The following ZBTB20 variants were observed in gnomAD, a reference collection of about 807,000 sequenced individuals.
The protein encoded by ZBTB20 is zinc finger and BTB domain-containing protein 20.
A neutral mutation model predicts 56.9 loss-of-function variants in ZBTB20; 9 were observed. That is an observed-to-expected ratio of 0.16 (90% CI 0.10 to 0.28). The LOEUF is 0.28. Ranked by LOEUF, ZBTB20 falls within the 10% of genes least tolerant of loss-of-function variation. The probability of loss-of-function intolerance (pLI) is 1.00; values close to 1 mark genes in which losing one functional copy is unlikely to be tolerated. For synonymous variants in ZBTB20, 417 were observed against 420.7 expected, an observed-to-expected ratio of 0.99 and a Z score of 0.11; for missense variants, 655 against 1,003.0, an observed-to-expected ratio of 0.65 and a Z score of 4.69.
At chr3:114,897,675 A>C (rs1408729715) in intron 4 of ZBTB20, among the ~76,000 whole-genome samples, 5 of 152,132 alleles carry the variant, frequency 3.3e-5, no homozygotes, top group Non-Finnish European at 7.4e-5. Flanking sequence ...GATAGAGTTC[A>C]ATCTACCACA....
At chr3:115,071,097 T>C (rs761787445) in intron 2 of ZBTB20, 122 bp downstream of exon 2, 7 of 152,116 alleles carry the variant, frequency 4.6e-5, no homozygotes, top group Admixed American at 1.3e-4. Context: ...ATCTTATACA[T>C]ATAAATTGTT....
At chr3:114,401,610 C>G (rs113309362) in intron 7 of ZBTB20, among the ~76,000 whole-genome samples, 4,577 of 152,160 alleles carry the variant, frequency 0.03, 116 homozygotes, top group Middle Eastern at 0.048. Flanking sequence ...CACTTTTGCC[C>G]GAGCCACTTT....
intron 3 of ZBTB20, among the ~76,000 whole-genome samples, chr3:114,946,944 C>A (rs1356400703): frequency 2.1e-5 from 3 of 145,476 alleles, no homozygotes; most frequent in Non-Finnish European, 4.4e-5. Flanking sequence ...TTACAAGGAA[C>A]TCAAACTAAA....
At chr3:114,675,045 T>G (rs535218579) in intron 6 of ZBTB20, among the ~76,000 whole-genome samples, 108 of 148,508 alleles carry the variant, frequency 7.3e-4, no homozygotes, top group Admixed American at 2.0e-3. Context: ...AAAAAATCTA[T>G]CTTTCATATA....
chr3:114,974,566 T>A (rs1177512937), intron 2 of ZBTB20, 150 bp from the exon 3 acceptor site: 6 of 152,208 alleles, frequency 3.9e-5, no homozygotes, highest in Non-Finnish European at 5.9e-5. Flanking sequence ...CACATTCATA[T>A]GTGTACAAGT....
chr3:114,824,607 G>A (rs2073426248), intron 4 of ZBTB20, among the ~76,000 whole-genome samples: 1 of 151,846 alleles, frequency 6.6e-6, no homozygotes, highest in African/African-American at 2.4e-5. Context: ...GTTTGAACTT[G>A]CTTAAAATAT....
intron 5 of ZBTB20, among the ~76,000 whole-genome samples, chr3:114,772,126 G>C (rs1427377651): frequency 6.6e-6 from 1 of 152,064 alleles, no homozygotes; most frequent in Non-Finnish European, 1.5e-5. Context: ...GATTGCCTGA[G>C]GTCAGGAGTT....
chr3:114,616,372 A>G (rs912030751), intron 6 of ZBTB20, among the ~76,000 whole-genome samples: 1 of 152,170 alleles, frequency 6.6e-6, no homozygotes, highest in African/African-American at 2.4e-5. Context: ...TTCCTAGTTA[A>G]GTTTGGGCAT....
Position 114,530,166 on chromosome 3 carries a change from G to C in ZBTB20, c.-294-29775C>G, listed in dbSNP as rs573133370. On this transcript the variant is annotated intron_variant, in intron 6 of 11. Transcript: ENST00000675478. ...ACAGGAGTATACAGTAATGTCCTAG[G>C]TGTTCACATTCACTCATCACTCACT... is the stretch of plus-strand genomic sequence containing the variant. 2.4e-3 allele frequency among the ~76,000 whole-genome samples: 369 copies of C among 152,244 alleles called. 2 individuals are homozygous for C. Among genetic ancestry groups the C allele is most frequent in the Non-Finnish European group, 2.5e-3 (169 of 68,010 alleles).
At chr3:114,524,861 C>G (rs753167302) in intron 6 of ZBTB20, among the ~76,000 whole-genome samples, 1 of 152,086 alleles carries the variant, frequency 6.6e-6, no homozygotes, top group Non-Finnish European at 1.5e-5. Context: ...ATTACAGGCA[C>G]GCACCACCAC....
chr3:114,747,549 G>A (rs2067138897), intron 5 of ZBTB20, among the ~76,000 whole-genome samples: 2 of 152,070 alleles, frequency 1.3e-5, no homozygotes, highest in Admixed American at 6.6e-5. Context: ...GGGTGACAGA[G>A]CAAGATTCTG....
intron 10 of ZBTB20, among the ~76,000 whole-genome samples, chr3:114,376,995 C>T (rs1258923628): frequency 1.3e-5 from 2 of 152,186 alleles, no homozygotes; most frequent in Non-Finnish European, 2.9e-5. Flanking sequence ...CTGTGATGTG[C>T]TACAGCTTGA....
chr3:114,530,413 T>C (rs2047711979), intron 6 of ZBTB20, among the ~76,000 whole-genome samples: 1 of 152,204 alleles, frequency 6.6e-6, no homozygotes, highest in Admixed American at 6.5e-5. Context: ...CAATAGGCTA[T>C]ATCATATAGC....
chr3:114,395,047 C>T (rs1399314188), intron 7 of ZBTB20, among the ~76,000 whole-genome samples: 1 of 152,076 alleles, frequency 6.6e-6, no homozygotes, highest in Admixed American at 6.6e-5. Context: ...GCTTTACTAA[C>T]CTTAATTGTC....
chr3:115,059,615 T>C (rs978367584), intron 2 of ZBTB20, among the ~76,000 whole-genome samples: 3 of 152,184 alleles, frequency 2.0e-5, no homozygotes, highest in Non-Finnish European at 4.4e-5. Context: ...GCAATCCTTT[T>C]GCAGATTTCC....
intron 4 of ZBTB20, among the ~76,000 whole-genome samples, chr3:114,871,967 A>T (rs2076028365): frequency 6.6e-6 from 1 of 152,092 alleles, no homozygotes; most frequent in Non-Finnish European, 1.5e-5. Flanking sequence ...AACTTTATGT[A>T]TGCATGAGTC....
At chr3:114,587,698 C>G (rs2055325833) in intron 6 of ZBTB20, among the ~76,000 whole-genome samples, 1 of 152,194 alleles carries the variant, frequency 6.6e-6, no homozygotes, top group Non-Finnish European at 1.5e-5. Context: ...TTCCATTGTT[C>G]CAAAGCCCAT....
intron 2 of ZBTB20, among the ~76,000 whole-genome samples, chr3:115,017,850 C>T (rs2080035900): frequency 2.0e-5 from 3 of 151,454 alleles, no homozygotes; most frequent in Admixed American, 1.3e-4. Context: ...TACAAATACA[C>T]ATACATATAT....
At chr3:114,574,418 G>A (rs976234508) in intron 6 of ZBTB20, among the ~76,000 whole-genome samples, 1 of 152,126 alleles carries the variant, frequency 6.6e-6, no homozygotes, top group African/African-American at 2.4e-5. Flanking sequence ...CACTATGAGT[G>A]TCTATTTCAC....
Sources: gnomAD v4.1 joint callset for allele counts (sites outside exome capture counted in the v4.1 genomes callset) on GRCh38, gnomAD v4.1.1 for gene constraint, MANE v1.5 for transcripts, NCBI Gene and HGNC (gene_info 2026-07-23, HGNC 2026-07-21) for gene names.